NUDT19: variants seen among roughly 807,000 people sequenced by gnomAD.
NUDT19 encodes the protein acyl-coenzyme A diphosphatase NUDT19.
In NUDT19, 31 loss-of-function variants were observed where a neutral mutation model predicts 22.2. The observed-to-expected ratio is 1.40, with a 90% CI of 1.05 to 1.89. The LOEUF (loss-of-function observed/expected upper bound fraction) is 1.89, where lower values mean the gene tolerates loss of function less well. NUDT19 is among the 40% of genes most tolerant of loss of function. The pLI, the probability that NUDT19 is intolerant of heterozygous loss-of-function variation, is 0.00. For synonymous variants in NUDT19, 325 were observed against 230.8 expected, an observed-to-expected ratio of 1.41 and a Z score of -3.70; for missense variants, 752 against 514.2, an observed-to-expected ratio of 1.46 and a Z score of -4.47.
chr19:32,704,329 T>C (rs1599800808), intron 1 of NUDT19, among the ~76,000 whole-genome samples: 1 of 152,142 alleles, frequency 6.6e-6, no homozygotes, highest in African/African-American at 2.4e-5. Flanking sequence ...TGGCACGATC[T>C]TGGCTCACTG....
chr19:32,708,426 C>CAA (rs564998068), intron 1 of NUDT19, among the ~76,000 whole-genome samples: 2 of 91,198 alleles, frequency 2.2e-5, no homozygotes, highest in African/African-American at 4.0e-5. Flanking sequence ...GACTCCGTCT[C>CAA]AAAAAAAAAA....
chr19:32,708,431 A>C (rs1214819675), intron 1 of NUDT19, among the ~76,000 whole-genome samples: 1 of 152,254 alleles, frequency 6.6e-6, no homozygotes, highest in East Asian at 1.9e-4. Context: ...CGTCTCAAAA[A>C]AAAAAAAAAA....
chr19:32,705,672 C>T (rs1251329447), intron 1 of NUDT19, among the ~76,000 whole-genome samples: 1 of 151,432 alleles, frequency 6.6e-6, no homozygotes, highest in Admixed American at 6.6e-5. Context: ...GCAACCTCCT[C>T]CTCCCTGGTT....
At position 32,709,333 on chromosome 19, in the gene NUDT19, TG is replaced by T; in HGVS notation, c.865del (p.Glu289LysfsTer9). 1 of 1,614,188 alleles carries T rather than the reference TG, an allele frequency of 6.2e-7. No homozygotes were observed. The highest frequency in any genetic ancestry group is 8.5e-7 in the Non-Finnish European group (1 of 1,180,030). The part of the protein sequence containing the change: ...KFCLGRALEG[L>X]ERWLPIILLT... Reference sequence around the variant, plus strand: ...TGTTTGGGTCGTGCATTAGAAGGACTGGAAAGGTGGCTGCCGATCATCTTGT... The same window carrying T: ...TGTTTGGGTCGTGCATTAGAAGGACTGAAAGGTGGCTGCCGATCATCTTGT... On this transcript the variant is annotated frameshift_variant, in exon 2 of 3. Transcript: ENST00000397061. LOFTEE classifies it high-confidence loss of function.
Position 32,692,487 on chromosome 19 carries a change from G to T in NUDT19, c.527G>T (p.Arg176Leu), listed in dbSNP as rs748483677. The T allele has an allele frequency of 6.4e-7, 1 of 1,554,182 alleles. No individual in the cohort carries two copies. The highest frequency in any genetic ancestry group is 8.7e-7 in the Non-Finnish European group (1 of 1,153,156). ...CGCGACCGCGTGCGCCAGGACCCGC[G>T]CCACTTCCTGCGGCTGTGCGCCCAC... is the stretch of plus-strand genomic sequence containing the variant. Reference protein sequence around the residue: ...SWRDRVRQDPRHFLRLCAHLD... With the variant: ...SWRDRVRQDPLHFLRLCAHLD... The change falls in exon 1 of 3, where the codon CGC (arginine) becomes CTC (leucine). Residue 176 changes from arginine (R) to leucine (L), a missense_variant. Coordinates refer to ENST00000397061, the MANE Select transcript of NUDT19 (RefSeq NM_001105570.2).
intron 1 of NUDT19, among the ~76,000 whole-genome samples, chr19:32,699,883 T>C (rs1014699816): frequency 2.0e-5 from 3 of 152,154 alleles, no homozygotes; most frequent in African/African-American, 7.2e-5. Context: ...TTTCGTTGGG[T>C]TCGTGGTCTC....
rs1289604298 is a variant in NUDT19, at chr19:32,713,758, G to T, written c.*1801G>T. On this transcript the variant is annotated 3_prime_UTR_variant, in exon 3 of 3. Coordinates refer to ENST00000397061, the MANE Select transcript of NUDT19 (RefSeq NM_001105570.2). ...CTTAATTTTCCTACTATAACATAAA[G>T]ACAATGATGAATAAAGTTTATGTGT... The T allele has an allele frequency of 2.6e-5, 4 of 152,108 alleles. No homozygotes were observed. Among genetic ancestry groups the T allele is most frequent in the Non-Finnish European group, 5.9e-5 (4 of 68,020 alleles). The allele number at this position is 152,108 out of a possible 1,614,324, so 9.4% of individuals were successfully genotyped here.
At chr19:32,699,803 G>A (rs1055373902) in intron 1 of NUDT19, among the ~76,000 whole-genome samples, 1 of 152,196 alleles carries the variant, frequency 6.6e-6, no homozygotes, top group African/African-American at 2.4e-5. Context: ...CTTGCGGTGA[G>A]TGTTACAGTT....
intron 2 of NUDT19, among the ~76,000 whole-genome samples, chr19:32,711,303 C>T (rs1426201705): frequency 6.6e-6 from 1 of 151,848 alleles, no homozygotes; most frequent in East Asian, 1.9e-4. Context: ...TCTCTACTAA[C>T]AATACAAAAA....
At chr19:32,695,325 G>A (rs948564805) in intron 1 of NUDT19, among the ~76,000 whole-genome samples, 27 of 152,130 alleles carry the variant, frequency 1.8e-4, no homozygotes, top group African/African-American at 3.9e-4. Flanking sequence ...AATTACAGGC[G>A]CCCGCCACCA....
At chr19:32,694,111 T>C (rs530860636) in intron 1 of NUDT19, among the ~76,000 whole-genome samples, 16 of 152,270 alleles carry the variant, frequency 1.1e-4, no homozygotes, top group Non-Finnish European at 2.2e-4. Flanking sequence ...GAAACAAATT[T>C]GACAAGGAGG....
rs778427440 is a variant in NUDT19, at chr19:32,692,494, C to A, written c.534C>A (p.Phe178Leu). 29 of 1,555,678 alleles carry A rather than the reference C, an allele frequency of 1.9e-5. No homozygotes were observed. The African/African-American group carries it at 2.0e-4, about 11-fold the overall frequency. ...RDRVRQDPRH[F>L]LRLCAHLDCT... ...GCGTGCGCCAGGACCCGCGCCACTT[C>A]CTGCGGCTGTGCGCCCACCTCGACT... is the stretch of plus-strand genomic sequence containing the variant. Residue 178 changes from phenylalanine (F) to leucine (L), a missense_variant, in exon 1 of 3, where the codon TTC becomes TTA. By Grantham distance (22) the Phe-to-Leu change is conservative. Transcript: ENST00000397061.
In NUDT19 at chr19:32,692,411, GCACCC is replaced by G; in HGVS notation, c.452_456del (p.Ala151GlyfsTer61). 1 of 1,564,944 alleles carries G rather than the reference GCACCC, an allele frequency of 6.4e-7. No homozygotes were observed. Among genetic ancestry groups the G allele is most frequent in the African/African-American group, 1.4e-5 (1 of 72,246 alleles). ...GCCCAGGACTTCCCCACCAGGCCCA[GCACCC>G]GGGCCTGGCCTCGCCCTGGAGCCAC... On this transcript the variant is annotated frameshift_variant, in exon 1 of 3. Coordinates refer to ENST00000397061, the MANE Select transcript of NUDT19 (RefSeq NM_001105570.2). LOFTEE classifies it high-confidence loss of function.
Position 32,711,923 on chromosome 19 carries a change from C to G in NUDT19, c.1094C>G (p.Pro365Arg). 1 of 1,613,888 alleles carries G rather than the reference C, an allele frequency of 6.2e-7. No homozygotes were observed. The highest frequency in any genetic ancestry group is 8.5e-7 in the Non-Finnish European group (1 of 1,179,900). ...TVQPKYKHVY[P>R]KNSVVRKSHL ...CAGCCAAAGTATAAACACGTTTATC[C>G]TAAGAACTCTGTAGTAAGAAAAAGC... The change falls in exon 3 of 3, where the codon CCT becomes CGT. Residue 365 changes from proline (P) to arginine (R), a missense_variant. By Grantham distance (103) the Pro-to-Arg change is moderately radical (BLOSUM62 -2). Coordinates refer to ENST00000397061, the MANE Select transcript of NUDT19 (RefSeq NM_001105570.2).
In NUDT19 at chr19:32,692,286, A is replaced by G; in HGVS notation, c.326A>G (p.Asp109Gly). 6.3e-7 allele frequency: 1 copy of G among 1,592,334 alleles called. No individual in the cohort carries two copies. The highest frequency in any genetic ancestry group is 1.1e-5 in the South Asian group (1 of 90,354). Residue 109 changes from aspartate (D) to glycine (G), a missense_variant, in exon 1 of 3, where the codon GAC (aspartate) becomes GGC (glycine). Asp to Gly is a moderately conservative substitution (Grantham distance 94). Coordinates refer to ENST00000397061, the MANE Select transcript of NUDT19 (RefSeq NM_001105570.2). ...TTCCCGTCGCTGCCCGACACCGATG[A>G]CCACAAGACCGACAACACTGGGACG... is the stretch of plus-strand genomic sequence containing the variant. ...TAFPSLPDTD[D>G]HKTDNTGTLP...
At chr19:32,705,452 G>T (rs1463170608) in intron 1 of NUDT19, among the ~76,000 whole-genome samples, 1 of 151,886 alleles carries the variant, frequency 6.6e-6, no homozygotes, top group African/African-American at 2.4e-5. Flanking sequence ...CAAAAAGAGA[G>T]TATTGGACAT....
At position 32,691,981 on chromosome 19, in the gene NUDT19, G is replaced by A. The variant is rs1036494459; in HGVS notation, c.21G>A (p.Pro7=). The part of the protein sequence containing the change: MSSSLR[P]GPSRWRRAAS... Reference sequence around the variant, plus strand: ...GCGCCATGAGCAGCTCCCTGCGGCCGGGCCCCAGCCGCTGGCGGCGGGCGG... The same window carrying A: ...GCGCCATGAGCAGCTCCCTGCGGCCAGGCCCCAGCCGCTGGCGGCGGGCGG... Residue 7 remains proline, a synonymous_variant, in exon 1 of 3, where the codon CCG becomes CCA. Transcript: ENST00000397061. The A allele has an allele frequency of 1.6e-5, 20 of 1,232,686 alleles. No homozygotes were observed. The African/African-American group carries it at 2.5e-4, about 15-fold the overall frequency. The allele number at this position is 1,232,686 out of a possible 1,614,324, so 76.4% of individuals were successfully genotyped here.
intron 1 of NUDT19, among the ~76,000 whole-genome samples, chr19:32,699,279 G>A (rs777634417): frequency 9.8e-4 from 149 of 152,318 alleles, no homozygotes; most frequent in Middle Eastern, 3.4e-3. Context: ...AAGGCGAGAG[G>A]AAGTTTGTCT....
intron 1 of NUDT19, among the ~76,000 whole-genome samples, chr19:32,706,473 C>T (rs1016266396): frequency 4.6e-5 from 7 of 152,116 alleles, no homozygotes; most frequent in Non-Finnish European, 1.0e-4. Context: ...TACCTGAGGT[C>T]GGGAGTTCGA....
Sources: allele counts gnomAD v4.1 joint callset (sites outside exome capture counted in the v4.1 genomes callset), GRCh38; gene constraint gnomAD v4.1.1; transcripts MANE v1.5; gene names NCBI Gene and HGNC (gene_info 2026-07-23, HGNC 2026-07-21).